Variants in COL28A1 observed in about 807,000 individuals in gnomAD.
The protein encoded by COL28A1 is collagen alpha-1(XXVIII) chain.
In COL28A1, 161 loss-of-function variants were observed where a neutral mutation model predicts 150.2. That is an observed-to-expected ratio of 1.07 (90% CI 0.94 to 1.22). COL28A1 has a LOEUF of 1.22. Among genes scored for constraint, COL28A1 ranks in the 50% most tolerant of loss-of-function variants. The pLI is 0.00. For missense variants in COL28A1, 1,617 were observed against 1,388.3 expected, an observed-to-expected ratio of 1.16 and a Z score of -2.62; for synonymous variants, 552 against 469.7, an observed-to-expected ratio of 1.18 and a Z score of -2.26.
downstream of COL28A1, among the ~76,000 whole-genome samples, chr7:7,352,630 TG>T (rs1261043009): frequency 1.4e-4 from 22 of 152,134 alleles, no homozygotes; most frequent in African/African-American, 5.1e-4. Context: ...CTTTAGATGT[TG>T]GAAAAGACAA....
At chr7:7,388,917 T>C (rs1052561087) in intron 27 of COL28A1, among the ~76,000 whole-genome samples, 9 of 152,226 alleles carry the variant, frequency 5.9e-5, no homozygotes, top group African/African-American at 9.6e-5. Context: ...GATGGATAGA[T>C]AGCAAAAATT....
At chr7:7,435,699 T>G (rs1785289437) in intron 23 of COL28A1, among the ~76,000 whole-genome samples, 1 of 152,206 alleles carries the variant, frequency 6.6e-6, no homozygotes, top group Non-Finnish European at 1.5e-5. Context: ...AGGTCATCAG[T>G]TTAGTACTTG....
At chr7:7,450,332 A>C (rs903412879) in intron 18 of COL28A1, among the ~76,000 whole-genome samples, 1 of 152,214 alleles carries the variant, frequency 6.6e-6, no homozygotes, top group African/African-American at 2.4e-5. Context: ...ATGCATAAGA[A>C]TATCTTTATC....
Position 7,378,756 on chromosome 7 carries a change from G to A in COL28A1, c.2322+1904C>T, listed in dbSNP as rs553205162. ...GGGCGTAATGTCCAACCTGACTTGT[G>A]TGTCTCCATTTGATGTGGAGATACT... On this transcript the variant is annotated intron_variant, in intron 30 of 34. Transcript: ENST00000399429. Among the ~76,000 whole-genome samples, 71 of 152,280 alleles carry A rather than the reference G, an allele frequency of 4.7e-4. 1 individual carries two copies. The highest frequency in any genetic ancestry group is 3.4e-3 in the Middle Eastern group (1 of 294).
chr7:7,503,837 C>T (rs1053690892), intron 11 of COL28A1, among the ~76,000 whole-genome samples: 3 of 152,152 alleles, frequency 2.0e-5, no homozygotes, highest in African/African-American at 4.8e-5. Flanking sequence ...AACTCATGCC[C>T]ACTTCATAGA....
chr7:7,369,888 G>A (rs148038047), intron 33 of COL28A1, among the ~76,000 whole-genome samples: 104 of 152,312 alleles, frequency 6.8e-4, no homozygotes, highest in Middle Eastern at 3.4e-3. Context: ...TGAGCTTACA[G>A]AACAGGGGCA....
intron 14 of COL28A1, among the ~76,000 whole-genome samples, chr7:7,476,863 T>TA (rs1788932108): frequency 1.3e-5 from 2 of 152,184 alleles, no homozygotes; most frequent in African/African-American, 4.8e-5. Flanking sequence ...CAAACTACTT[T>TA]AAGAGATTTT....
At chr7:7,467,821 C>T (rs1176988515) in intron 15 of COL28A1, among the ~76,000 whole-genome samples, 1 of 140,830 alleles carries the variant, frequency 7.1e-6, no homozygotes. Context: ...AGCCGCTCAA[C>T]TACATGGAAA....
the COL28A1 span, among the ~76,000 whole-genome samples, chr7:7,542,464 A>C: frequency 6.6e-6 from 1 of 152,242 alleles, no homozygotes; most frequent in Non-Finnish European, 1.5e-5. Context: ...TTGCTGTATA[A>C]TTCTGTTAAC....
chr7:7,439,942 C>A (rs1785638190), intron 21 of COL28A1, among the ~76,000 whole-genome samples: 1 of 152,176 alleles, frequency 6.6e-6, no homozygotes, highest in Admixed American at 6.5e-5. Context: ...GTTGTCAGCA[C>A]CATTTTTTAA....
At chr7:7,453,534 G>C (rs768717076) in intron 16 of COL28A1, 26 bp from the exon 17 acceptor site, 1 of 899,556 alleles carries the variant, frequency 1.1e-6, no homozygotes, top group South Asian at 1.4e-5. Flanking sequence ...TTATAAAATA[G>C]TGTTAGTGAA....
rs892243273 is a variant in COL28A1, at chr7:7,525,299, T to A, written c.682-1050A>T. ...TAGCCAGAATATTTTTCAAAACTAT[T>A]TTAAATTTATAATTTTGCAGAAATG... On this transcript the variant is annotated intron_variant, in intron 3 of 34. Coordinates refer to ENST00000399429, the MANE Select transcript of COL28A1 (RefSeq NM_001037763.3). Among the ~76,000 whole-genome samples, 40 of 152,226 alleles carry A rather than the reference T, an allele frequency of 2.6e-4. 1 individual carries two copies. Among genetic ancestry groups the A allele is most frequent in the Admixed American group, 2.6e-3 (40 of 15,288 alleles).
chr7:7,365,764 T>C (rs1780903590), intron 33 of COL28A1, among the ~76,000 whole-genome samples: 1 of 152,144 alleles, frequency 6.6e-6, no homozygotes, highest in African/African-American at 2.4e-5. Context: ...TCAAAATTTC[T>C]CCAATTTGGC....
At chr7:7,387,545 A>T (rs1782262258) in intron 27 of COL28A1, among the ~76,000 whole-genome samples, 1 of 152,140 alleles carries the variant, frequency 6.6e-6, no homozygotes, top group African/African-American at 2.4e-5. Flanking sequence ...ATGGGTACCA[A>T]ATCTGAATTT....
At position 7,360,409 on chromosome 7, in the gene COL28A1, G is replaced by A. The variant is rs116399034; in HGVS notation, c.3186C>T (p.Thr1062=). ...ATTTPRPLLS[T]PVDGAEDPRC... ...ACCTACCCTCTGCCCCATCCACAGG[G>A]GTGCTGAGCAGTGGCCTGGGGGTGG... The change falls in exon 34 of 35, where the codon ACC becomes ACT. Residue 1062 remains threonine, a synonymous_variant. Coordinates refer to ENST00000399429, the MANE Select transcript of COL28A1 (RefSeq NM_001037763.3). The A allele has an allele frequency of 2.2e-4, 357 of 1,592,440 alleles. 1 individual carries two copies. In the African/African-American group the frequency reaches 4.6e-3, roughly 20 times the overall value.
intron 16 of COL28A1, 107 bp downstream of exon 16, chr7:7,455,937 T>A: frequency 6.9e-7 from 1 of 1,444,192 alleles, no homozygotes; most frequent in Non-Finnish European, 9.3e-7. Context: ...CCACTGCAAT[T>A]AACTGTCAAA....
At chr7:7,347,936 T>C in the COL28A1 span, among the ~76,000 whole-genome samples, 2 of 151,978 alleles carry the variant, frequency 1.3e-5, no homozygotes, top group Non-Finnish European at 2.9e-5. Context: ...GGGAGGGGGG[T>C]AATATTTTAA....
At chr7:7,372,920 G>A in intron 32 of COL28A1, 78 bp downstream of exon 32, 2 of 1,226,360 alleles carry the variant, frequency 1.6e-6, no homozygotes, top group South Asian at 1.4e-5. Flanking sequence ...TTTTCTATTT[G>A]GTCAGGACAA....
intron 14 of COL28A1, among the ~76,000 whole-genome samples, chr7:7,476,276 ATGT>A (rs1268628779): frequency 7.9e-5 from 12 of 152,222 alleles, no homozygotes; most frequent in African/African-American, 1.2e-4. Context: ...GTACTCTGAA[ATGT>A]TGTTGATGCT....
Sources: gnomAD v4.1 joint callset for allele counts (sites outside exome capture counted in the v4.1 genomes callset) on GRCh38, gnomAD v4.1.1 for gene constraint, MANE v1.5 for transcripts, NCBI Gene and HGNC (gene_info 2026-07-23, HGNC 2026-07-21) for gene names.